Variants in FMN2 observed in about 807,000 individuals in gnomAD.
FMN2 encodes formin 2, also known as formin-2.
Under a neutral mutation model 142.3 loss-of-function variants are expected in FMN2, and 51 were observed. The observed-to-expected ratio is 0.36, with a 90% CI of 0.29 to 0.45. FMN2 has a LOEUF of 0.45. FMN2 is among the 20% of genes least tolerant of loss of function. The pLI is 1.00. For synonymous variants in FMN2, 882 were observed against 869.8 expected, an observed-to-expected ratio of 1.01 and a Z score of -0.25; for missense variants, 1,936 against 2,122.8, an observed-to-expected ratio of 0.91 and a Z score of 1.73.
At chr1:240,269,301 G>A (rs1668914560) in intron 7 of FMN2, among the ~76,000 whole-genome samples, 1 of 152,030 alleles carries the variant, frequency 6.6e-6, no homozygotes. Flanking sequence ...TAAATAGGCT[G>A]TCCTTTCCCC....
At chr1:240,451,555 G>A (rs1452545495) in intron 16 of FMN2, among the ~76,000 whole-genome samples, 1 of 152,024 alleles carries the variant, frequency 6.6e-6, no homozygotes, top group African/African-American at 2.4e-5. Context: ...TCCCCAGGAG[G>A]AAATGCCAGC....
intron 4 of FMN2, among the ~76,000 whole-genome samples, chr1:240,203,208 A>G (rs1047864846): frequency 3.8e-4 from 58 of 152,286 alleles, no homozygotes; most frequent in Non-Finnish European, 3.4e-4. Flanking sequence ...TAGTGGCCAT[A>G]CAGGATGTTA....
At chr1:240,364,343 A>T (rs1672591425) in intron 14 of FMN2, among the ~76,000 whole-genome samples, 1 of 152,156 alleles carries the variant, frequency 6.6e-6, no homozygotes, top group Non-Finnish European at 1.5e-5. Flanking sequence ...CCCATGTAAG[A>T]TAATCAATTA....
intron 8 of FMN2, among the ~76,000 whole-genome samples, chr1:240,302,822 A>G (rs1227765145): frequency 1.3e-5 from 2 of 152,114 alleles, no homozygotes; most frequent in African/African-American, 4.8e-5. Flanking sequence ...ACCTAGGCCA[A>G]AAGATTATGA....
chr1:240,218,010 C>T (rs778082323), intron 6 of FMN2, among the ~76,000 whole-genome samples: 2 of 151,962 alleles, frequency 1.3e-5, no homozygotes, highest in South Asian at 4.1e-4. Context: ...CTGGGCTGGG[C>T]GCAGTGGCTC....
At chr1:240,254,013 C>T (rs998173070) in intron 6 of FMN2, among the ~76,000 whole-genome samples, 26 of 152,210 alleles carry the variant, frequency 1.7e-4, no homozygotes, top group African/African-American at 6.3e-4. Flanking sequence ...GCTGAGCATG[C>T]CTGTCCTTTG....
In FMN2 at chr1:240,123,162, C is replaced by G; in HGVS notation, c.1616-17C>G. On this transcript the variant is annotated splice_polypyrimidine_tract_variant and intron_variant, in intron 1 of 17. Coordinates refer to ENST00000319653, the MANE Select transcript of FMN2 (RefSeq NM_020066.5). Reference sequence around the variant, plus strand: ...GATCGGCAGTGCTCGCTCTTAATGACTGTGTTTCATCTGCAGGGCGAACGC... The same window carrying G: ...GATCGGCAGTGCTCGCTCTTAATGAGTGTGTTTCATCTGCAGGGCGAACGC... 1 of 1,613,800 alleles carries G rather than the reference C, an allele frequency of 6.2e-7. No individual in the cohort carries two copies. Among genetic ancestry groups the G allele is most frequent in the Admixed American group, 1.7e-5 (1 of 59,988 alleles).
Position 240,107,611 on chromosome 1 carries a change from G to A in FMN2, c.1615+13887G>A, listed in dbSNP as rs578237534. Among the ~76,000 whole-genome samples the A allele has an allele frequency of 6.6e-5, 10 of 152,084 alleles. No homozygotes were observed. The South Asian group carries it at 1.9e-3, about 28-fold the overall frequency. ...AACCTGTCATAGGTCCTGAAAAGTGGTTGGTAGTTATCATCATATGTGTTC... is the reference window on the plus strand; with the variant it reads ...AACCTGTCATAGGTCCTGAAAAGTGATTGGTAGTTATCATCATATGTGTTC... On this transcript the variant is annotated intron_variant, in intron 1 of 17. Transcript: ENST00000319653.
chr1:240,122,087 T>A (rs12145392), intron 1 of FMN2, among the ~76,000 whole-genome samples: 41,501 of 147,688 alleles, frequency 0.28, 6,239 homozygotes, highest in Non-Finnish European at 0.35. Context: ...TTTATTTATT[T>A]ATTTATGAAT....
chr1:240,144,157 A>G (rs754705590), intron 2 of FMN2: 38 of 1,389,276 alleles, frequency 2.7e-5, no homozygotes, highest in Non-Finnish European at 3.8e-5. Context: ...GCTGCACTCA[A>G]CATTCCGTGG....
chr1:240,212,482 C>G (rs577712750), intron 6 of FMN2, among the ~76,000 whole-genome samples: 1 of 152,246 alleles, frequency 6.6e-6, no homozygotes, highest in East Asian at 1.9e-4. Context: ...GAGATGGCAC[C>G]TGGCACATTG....
intron 7 of FMN2, among the ~76,000 whole-genome samples, chr1:240,261,935 A>G (rs1668647879): frequency 6.6e-6 from 1 of 152,042 alleles, no homozygotes; most frequent in Non-Finnish European, 1.5e-5. Flanking sequence ...GAGAAGATTT[A>G]CCCTTTTTGT....
chr1:240,431,879 T>G (rs546877841), intron 15 of FMN2, among the ~76,000 whole-genome samples: 33 of 150,122 alleles, frequency 2.2e-4, no homozygotes, highest in Non-Finnish European at 4.5e-4. Context: ...TTATTAAGGT[T>G]TTTTTTTTTG....
chr1:240,184,762 G>A (rs956910556), intron 3 of FMN2, among the ~76,000 whole-genome samples: 6 of 151,798 alleles, frequency 4.0e-5, no homozygotes, highest in African/African-American at 1.5e-4. Flanking sequence ...GTGGGAGTCG[G>A]GAGTTCCGGG....
At chr1:240,392,833 G>C (rs571782832) in intron 15 of FMN2, among the ~76,000 whole-genome samples, 2 of 152,210 alleles carry the variant, frequency 1.3e-5, no homozygotes, top group Admixed American at 1.3e-4. Flanking sequence ...ATACACAAAA[G>C]AAGGAAGATA....
chr1:240,149,128 A>G (rs1663656134), intron 2 of FMN2, among the ~76,000 whole-genome samples: 1 of 152,320 alleles, frequency 6.6e-6, no homozygotes, highest in East Asian at 1.9e-4. Flanking sequence ...GTTGTAAAAC[A>G]TTGAACCTGC....
chr1:240,385,469 C>A (rs1393469256), intron 14 of FMN2, among the ~76,000 whole-genome samples: 1 of 152,044 alleles, frequency 6.6e-6, no homozygotes, highest in African/African-American at 2.4e-5. Flanking sequence ...TAGTGAAAGT[C>A]CAGGAGAGAT....
intron 8 of FMN2, among the ~76,000 whole-genome samples, chr1:240,323,711 ATT>A (rs1219670082): frequency 6.6e-6 from 1 of 151,886 alleles, no homozygotes; most frequent in African/African-American, 2.4e-5. Flanking sequence ...ACTTTCCTAC[ATT>A]TTCTGTCTCT....
chr1:240,352,095 C>T (rs996892541), intron 13 of FMN2, among the ~76,000 whole-genome samples: 1 of 151,916 alleles, frequency 6.6e-6, no homozygotes, highest in East Asian at 1.9e-4. Context: ...TTTTTCCCTG[C>T]TAGCCTACGT....
Sources: gnomAD v4.1 joint callset for allele counts (sites outside exome capture counted in the v4.1 genomes callset) on GRCh38, gnomAD v4.1.1 for gene constraint, MANE v1.5 for transcripts, NCBI Gene and HGNC (gene_info 2026-07-23, HGNC 2026-07-21) for gene names.